Variants in KDM4C observed in about 807,000 individuals in gnomAD.
KDM4C encodes lysine-specific demethylase 4C.
KDM4C carries 81 observed loss-of-function variants against 129.3 expected under a neutral mutation model. The observed-to-expected ratio is 0.63, with a 90% CI of 0.52 to 0.75. The LOEUF (loss-of-function observed/expected upper bound fraction) is 0.75. Among genes scored for constraint, KDM4C ranks in the 30% least tolerant of loss-of-function variants. KDM4C has a pLI of 0.00. For missense variants in KDM4C, 1,457 were observed against 1,304.0 expected (o/e 1.12, Z -1.81); for synonymous variants, 573 against 456.1 (o/e 1.26, Z -3.26).
intron 19 of KDM4C, among the ~76,000 whole-genome samples, chr9:7,139,669 A>T (rs561041616): frequency 6.6e-6 from 1 of 152,334 alleles, no homozygotes; most frequent in South Asian, 2.1e-4. Flanking sequence ...ATTTTGAAAT[A>T]ATTTATGTAT....
intron 8 of KDM4C, among the ~76,000 whole-genome samples, chr9:6,918,162 TTTGCCGTAC>T (rs1457085457): frequency 3.9e-5 from 6 of 152,200 alleles, no homozygotes; most frequent in African/African-American, 1.4e-4. Flanking sequence ...TTTTTTAGCC[TTTGCCGTAC>T]TCCCTCTCTC....
chr9:6,817,307 T>G (rs1564081673), intron 4 of KDM4C, among the ~76,000 whole-genome samples: 1 of 149,714 alleles, frequency 6.7e-6, no homozygotes, highest in Non-Finnish European at 1.5e-5. Context: ...GTTCAAGCAG[T>G]CTTCCTGCCT....
chr9:7,140,599 C>A (rs1325616319), intron 19 of KDM4C, among the ~76,000 whole-genome samples: 2 of 152,088 alleles, frequency 1.3e-5, no homozygotes, highest in African/African-American at 4.8e-5. Flanking sequence ...CATCTGGGTA[C>A]CTGCATATGG....
chr9:6,916,389 A>G (rs1820320452), intron 8 of KDM4C, among the ~76,000 whole-genome samples: 1 of 151,722 alleles, frequency 6.6e-6, no homozygotes, highest in African/African-American at 2.4e-5. Flanking sequence ...TTGCTTTATC[A>G]CAAGGGCTCA....
intron 1 of KDM4C, among the ~76,000 whole-genome samples, chr9:6,772,210 C>A (rs547368565): frequency 1.3e-5 from 2 of 151,970 alleles, no homozygotes; most frequent in African/African-American, 2.4e-5. Context: ...AGTGCAGTGG[C>A]GCGATCTCGG....
In KDM4C at chr9:6,946,724, C is replaced by G. The variant is rs551427219; in HGVS notation, c.922-34201C>G. Among the ~76,000 whole-genome samples the G allele has an allele frequency of 2.0e-5, 3 of 152,092 alleles. 1 individual carries two copies. The South Asian group carries it at 6.2e-4, about 32-fold the overall frequency. ...TTATAATCAGTATGTCACTCATGTTCTTTCTATAGTTCATTATGAATTTTC... is the reference window on the plus strand; with the variant it reads ...TTATAATCAGTATGTCACTCATGTTGTTTCTATAGTTCATTATGAATTTTC... On this transcript the variant is annotated intron_variant, in intron 8 of 21. Coordinates refer to ENST00000381309, the MANE Select transcript of KDM4C (RefSeq NM_015061.6).
chr9:6,950,259 T>C (rs1266706743), intron 8 of KDM4C, among the ~76,000 whole-genome samples: 2 of 152,228 alleles, frequency 1.3e-5, no homozygotes, highest in Non-Finnish European at 2.9e-5. Context: ...ATGTGAACTA[T>C]TCTTTCTATA....
chr9:7,027,734 C>A (rs1826035425), intron 15 of KDM4C, among the ~76,000 whole-genome samples: 1 of 152,216 alleles, frequency 6.6e-6, no homozygotes, highest in Non-Finnish European at 1.5e-5. Flanking sequence ...GAGCTAGGGA[C>A]TGGAGTGAGA....
intron 8 of KDM4C, among the ~76,000 whole-genome samples, chr9:6,948,713 C>G (rs1827459179): frequency 6.6e-6 from 1 of 151,902 alleles, no homozygotes; most frequent in South Asian, 2.1e-4. Flanking sequence ...CTTCAAGCAT[C>G]TTTTTAACAA....
chr9:6,747,472 C>G (rs967625963), intron 1 of KDM4C, among the ~76,000 whole-genome samples: 2 of 139,792 alleles, frequency 1.4e-5, no homozygotes, highest in Non-Finnish European at 3.0e-5. Flanking sequence ...AGTGTGAACT[C>G]AGGAGGCAGA....
intron 1 of KDM4C, among the ~76,000 whole-genome samples, chr9:6,774,048 TGG>T (rs1822479127): frequency 6.6e-6 from 1 of 151,980 alleles, no homozygotes; most frequent in Non-Finnish European, 1.5e-5. Context: ...CCACTATACC[TGG>T]TTAATTTTTG....
At chr9:7,032,262 A>G (rs576016007) in intron 15 of KDM4C, among the ~76,000 whole-genome samples, 3 of 152,206 alleles carry the variant, frequency 2.0e-5, no homozygotes, top group African/African-American at 7.2e-5. Flanking sequence ...TCTGAAGGCA[A>G]CTTTCTGTCC....
At chr9:6,722,567 G>A (rs945931594) in intron 1 of KDM4C, among the ~76,000 whole-genome samples, 1 of 151,330 alleles carries the variant, frequency 6.6e-6, no homozygotes, top group Non-Finnish European at 1.5e-5. Flanking sequence ...AGGCTGGAGT[G>A]CAATGGCGCG....
intron 15 of KDM4C, among the ~76,000 whole-genome samples, chr9:7,019,744 A>ATATTTTTATATATAAAAATATT (rs1563993223): frequency 3.7e-4 from 33 of 90,096 alleles, no homozygotes; most frequent in African/African-American, 8.9e-4. Context: ...ATAAAAATAT[A>ATATTTTTATATATAAAAATATT]ATATTTTTAT....
At chr9:6,761,113 G>A (rs921913050) in intron 1 of KDM4C, among the ~76,000 whole-genome samples, 1 of 148,724 alleles carries the variant, frequency 6.7e-6, no homozygotes, top group African/African-American at 2.5e-5. Flanking sequence ...AGGTTCAGGC[G>A]ATTCTCCTGC....
At chr9:7,166,472 G>A (rs1844402541) in intron 20 of KDM4C, among the ~76,000 whole-genome samples, 1 of 151,764 alleles carries the variant, frequency 6.6e-6, no homozygotes, top group African/African-American at 2.4e-5. Context: ...GTGTCTGTGT[G>A]TGTAAAGGCC....
At chr9:6,956,242 C>G (rs375378983) in intron 8 of KDM4C, among the ~76,000 whole-genome samples, 38 of 152,262 alleles carry the variant, frequency 2.5e-4, no homozygotes, top group East Asian at 5.8e-4. Context: ...AAATCTACTT[C>G]AAGAGTGTAA....
chr9:7,086,978 G>GAGCTCACC (rs1442507661), intron 17 of KDM4C, among the ~76,000 whole-genome samples: 1 of 152,124 alleles, frequency 6.6e-6, no homozygotes, highest in East Asian at 1.9e-4. Flanking sequence ...TCTGCCCTGT[G>GAGCTCACC]GTTGAAGACC....
chr9:7,130,690 A>T (rs933269496), intron 19 of KDM4C, among the ~76,000 whole-genome samples: 1 of 152,176 alleles, frequency 6.6e-6, no homozygotes, highest in East Asian at 1.9e-4. Context: ...GGTACCATGG[A>T]GTGGCATGAA....
Sources: allele counts gnomAD v4.1 joint callset (sites outside exome capture counted in the v4.1 genomes callset), GRCh38; gene constraint gnomAD v4.1.1; transcripts MANE v1.5; gene names NCBI Gene and HGNC (gene_info 2026-07-23, HGNC 2026-07-21).